TM6SF1: variants seen among roughly 807,000 people sequenced by gnomAD.
TM6SF1 encodes transmembrane 6 superfamily member 1.
In TM6SF1, 43 loss-of-function variants were observed where a neutral mutation model predicts 47.1. That is an observed-to-expected ratio of 0.91 (90% CI 0.72 to 1.18). The LOEUF (loss-of-function observed/expected upper bound fraction) is 1.18. Among genes scored for constraint, TM6SF1 ranks in the 50% most tolerant of loss-of-function variants. The probability of loss-of-function intolerance (pLI) is 0.00; values close to 1 mark genes in which losing one functional copy is unlikely to be tolerated. For missense variants in TM6SF1, 390 were observed against 449.0 expected, an observed-to-expected ratio of 0.87 and a Z score of 1.19; for synonymous variants, 177 against 166.3, an observed-to-expected ratio of 1.06 and a Z score of -0.49.
At chr15:83,122,903 C>A in intron 6 of TM6SF1, 25 bp downstream of exon 6, 1 of 1,612,298 alleles carries the variant, frequency 6.2e-7, no homozygotes, top group Non-Finnish European at 8.5e-7. Flanking sequence ...CTTTGATGTA[C>A]CCTGTTCTCA....
chr15:83,110,691 T>A (rs992436197), intron 1 of TM6SF1, among the ~76,000 whole-genome samples: 1 of 152,106 alleles, frequency 6.6e-6, no homozygotes, highest in African/African-American at 2.4e-5. Context: ...TCTTCCCTCA[T>A]GGGATTCTTC....
Position 83,107,833 on chromosome 15 carries a change from C to A in TM6SF1, c.92+61C>A. The A allele has an allele frequency of 6.6e-7, 1 of 1,514,988 alleles. No individual in the cohort carries two copies. The highest frequency in any genetic ancestry group is 8.8e-7 in the Non-Finnish European group (1 of 1,131,384). 93.8% of individuals were successfully genotyped at this position (1,514,988 alleles called of 1,614,324 possible). A position where few individuals can be genotyped will look rare whatever the true frequency, so the allele number is the denominator to read the frequency against. ...GGCGGCGGGAGTTGGCTCGCCGCGA[C>A]GGGAGCCTCGCAACTTTTCCGAGGG... On this transcript the variant is annotated intron_variant, in intron 1 of 9. Transcript: ENST00000322019. The surrounding 1 kb of genome is among the most constrained non-coding windows in gnomAD (Gnocchi z 5.6).
At chr15:83,116,967 C>T (rs2034723308) in intron 3 of TM6SF1, among the ~76,000 whole-genome samples, 1 of 152,118 alleles carries the variant, frequency 6.6e-6, no homozygotes, top group South Asian at 2.1e-4. Flanking sequence ...AGACCTGCTC[C>T]CTGCCCCCTG....
At chr15:83,113,382 C>T (rs2034371715) in intron 2 of TM6SF1, 1 of 156,626 alleles carries the variant, frequency 6.4e-6, no homozygotes, top group Non-Finnish European at 1.4e-5. Context: ...AGGCTTTCAC[C>T]TAATCCTCAC....
intron 1 of TM6SF1, among the ~76,000 whole-genome samples, chr15:83,108,996 G>A (rs2033914081): frequency 6.6e-6 from 1 of 152,220 alleles, no homozygotes; most frequent in Non-Finnish European, 1.5e-5. Context: ...GGCATTACGG[G>A]TAGTTCAGTG....
At chr15:83,117,337 TG>T (rs1413802827) in intron 3 of TM6SF1, among the ~76,000 whole-genome samples, 2 of 152,084 alleles carry the variant, frequency 1.3e-5, no homozygotes, top group Non-Finnish European at 2.9e-5. Flanking sequence ...TCTTGAGCTC[TG>T]AGGAGCAGTC....
Position 83,129,454 on chromosome 15 carries a change from A to T in TM6SF1, c.921+1977A>T, listed in dbSNP as rs2151379606. The T allele has an allele frequency of 2.0e-5, 3 of 152,338 alleles. No homozygotes were observed. In the Middle Eastern group the frequency reaches 0.01, roughly 518 times the overall value. The allele number at this position is 152,338 out of a possible 1,614,324, so 9.4% of individuals were successfully genotyped here. A position where few individuals can be genotyped will look rare whatever the true frequency, so the allele number is the denominator to read the frequency against. On this transcript the variant is annotated intron_variant, in intron 9 of 9. Coordinates refer to ENST00000322019, the MANE Select transcript of TM6SF1 (RefSeq NM_023003.5). The stretch of plus-strand genomic sequence containing the variant: ...TGCCTGCCTCAGAATAAACAGCACA[A>T]TGGACACATAATAATATCTTTTGTA...
At chr15:83,113,234 C>G (rs1047724570) in intron 2 of TM6SF1, 1 of 392,562 alleles carries the variant, frequency 2.5e-6, no homozygotes, top group Admixed American at 3.8e-5. Context: ...CTGCTACTAG[C>G]AGTCCCCCCC....
At chr15:83,125,710 G>A (rs761710375) in intron 7 of TM6SF1, among the ~76,000 whole-genome samples, 6 of 152,172 alleles carry the variant, frequency 3.9e-5, no homozygotes, top group Non-Finnish European at 8.8e-5. Flanking sequence ...GCCTGTTGGC[G>A]CGCGTAACAG....
At position 83,136,741 on chromosome 15, in the gene TM6SF1, C is replaced by A; in HGVS notation, c.*69C>A. ...TTATACTGGTACTGATATTTTGTCC[C>A]ATTTCACTCTCTTCTCATACGTGAG... On this transcript the variant is annotated 3_prime_UTR_variant, in exon 10 of 10. Coordinates refer to ENST00000322019, the MANE Select transcript of TM6SF1 (RefSeq NM_023003.5). 2 of 1,331,910 alleles carry A rather than the reference C, an allele frequency of 1.5e-6. No individual in the cohort carries two copies. The highest frequency in any genetic ancestry group is 2.1e-6 in the Non-Finnish European group (2 of 962,996). 82.5% of individuals were successfully genotyped at this position (1,331,910 alleles called of 1,614,324 possible). A position where few individuals can be genotyped will look rare whatever the true frequency, so the allele number is the denominator to read the frequency against.
intron 9 of TM6SF1, 25 bp downstream of exon 9, chr15:83,127,502 G>T (rs1328680974): frequency 6.2e-7 from 1 of 1,611,818 alleles, no homozygotes; most frequent in Admixed American, 1.7e-5. Context: ...CTGTTGAGAA[G>T]GTTTACTTGT....
rs2151327925 is a variant in TM6SF1, at chr15:83,107,864, G to A, written c.92+92G>A. The A allele has an allele frequency of 7.0e-7, 1 of 1,422,106 alleles. No homozygotes were observed. Among genetic ancestry groups the A allele is most frequent in the South Asian group, 1.5e-5 (1 of 68,902 alleles). 88.1% of individuals were successfully genotyped at this position (1,422,106 alleles called of 1,614,324 possible). On this transcript the variant is annotated intron_variant, in intron 1 of 9. Coordinates refer to ENST00000322019, the MANE Select transcript of TM6SF1 (RefSeq NM_023003.5). The surrounding 1 kb of genome is among the most constrained non-coding windows in gnomAD (Gnocchi z 5.6). ...CCTCGCAACTTTTCCGAGGGGGCTGGGACCGTCCGCCGCGGGACAGAGGTT... is the reference window on the plus strand; with the variant it reads ...CCTCGCAACTTTTCCGAGGGGGCTGAGACCGTCCGCCGCGGGACAGAGGTT...
At position 83,137,389 on chromosome 15, in the gene TM6SF1, T is replaced by C. The variant is rs2036671831; in HGVS notation, c.*717T>C. Reference sequence around the variant, plus strand: ...GACAAATCTTATTAAATTTGAAACATTTCATATATACACATAAAACGCTTT... The same window carrying C: ...GACAAATCTTATTAAATTTGAAACACTTCATATATACACATAAAACGCTTT... On this transcript the variant is annotated 3_prime_UTR_variant, in exon 10 of 10. Transcript: ENST00000322019. 6.6e-6 allele frequency: 1 copy of C among 152,134 alleles called. No homozygotes were observed. The allele number at this position is 152,134 out of a possible 1,614,324, so 9.4% of individuals were successfully genotyped here. A position where few individuals can be genotyped will look rare whatever the true frequency, so the allele number is the denominator to read the frequency against.
At chr15:83,118,132 C>T (rs1044045344) in intron 3 of TM6SF1, among the ~76,000 whole-genome samples, 10 of 152,082 alleles carry the variant, frequency 6.6e-5, no homozygotes, top group African/African-American at 2.4e-4. Context: ...AAGACAAAGG[C>T]GGGAGGATCG....
At chr15:83,136,447 T>G in intron 9 of TM6SF1, 34 bp from the exon 10 acceptor site, 2 of 1,545,772 alleles carry the variant, frequency 1.3e-6, no homozygotes, top group Non-Finnish European at 1.7e-6. Flanking sequence ...ACACGTTTCA[T>G]GCTTACTCAA....
At chr15:83,119,830 T>C in intron 4 of TM6SF1, 149 bp downstream of exon 4, 1 of 1,282,838 alleles carries the variant, frequency 7.8e-7, no homozygotes, top group Non-Finnish European at 1.1e-6. Context: ...CGTGGCTTTA[T>C]CCTCCTTGTA....
At chr15:83,119,734 G>C (rs1253827510) in intron 4 of TM6SF1, 53 bp downstream of exon 4, 5 of 1,610,326 alleles carry the variant, frequency 3.1e-6, no homozygotes, top group African/African-American at 1.3e-5. Context: ...CCGATAAGCG[G>C]GTATGTAAGG....
At chr15:83,127,068 C>T (rs187595434) in intron 8 of TM6SF1, among the ~76,000 whole-genome samples, 147 of 152,116 alleles carry the variant, frequency 9.7e-4, no homozygotes, top group African/African-American at 3.5e-3. Flanking sequence ...GTGGCACATG[C>T]CTGTAATCCC....
chr15:83,110,829 A>T (rs1164628021), intron 1 of TM6SF1, among the ~76,000 whole-genome samples: 1 of 152,200 alleles, frequency 6.6e-6, no homozygotes, highest in Non-Finnish European at 1.5e-5. Context: ...TCTCACCTGG[A>T]CATTGAAACA....
Sources: allele counts gnomAD v4.1 joint callset (sites outside exome capture counted in the v4.1 genomes callset), GRCh38; gene constraint gnomAD v4.1.1; non-coding constraint Gnocchi (gnomAD v3.1); transcripts MANE v1.5; gene names NCBI Gene and HGNC (gene_info 2026-07-23, HGNC 2026-07-21).